Variants in SLC24A2 observed in about 807,000 individuals in gnomAD.
SLC24A2 encodes sodium/potassium/calcium exchanger 2.
SLC24A2 carries 36 observed loss-of-function variants against 62.0 expected under a neutral mutation model. That is an observed-to-expected ratio of 0.58 (90% CI 0.44 to 0.77). The LOEUF (loss-of-function observed/expected upper bound fraction) is 0.77, where lower values mean the gene tolerates loss of function less well. SLC24A2 is among the 30% of genes least tolerant of loss of function. The pLI, the probability that SLC24A2 is intolerant of heterozygous loss-of-function variation, is 0.00. For synonymous variants in SLC24A2, 358 were observed against 294.0 expected (o/e 1.22, Z -2.23); for missense variants, 846 against 817.9 (o/e 1.03, Z -0.42).
In SLC24A2 at chr9:19,622,575, C is replaced by T. The variant is rs143347009; in HGVS notation, c.931-276G>A. 8.5e-3 allele frequency among the ~76,000 whole-genome samples: 1,288 copies of T among 152,156 alleles called. 18 individuals carry two copies. The highest frequency in any genetic ancestry group is 0.029 in the African/African-American group (1,220 of 41,502). ...ACAGAGCAGTTAAGTCAACTGTGGC[C>T]CAGCCATGCAGTGGAATACTATGTG... On this transcript the variant is annotated intron_variant, in intron 2 of 10. Transcript: ENST00000341998.
intron 2 of SLC24A2, among the ~76,000 whole-genome samples, chr9:19,692,405 T>C (rs1404084852): frequency 1.3e-5 from 2 of 152,126 alleles, no homozygotes; most frequent in African/African-American, 4.8e-5. Context: ...AAAAATAGAC[T>C]GTAATTTAGA....
the SLC24A2 span, among the ~76,000 whole-genome samples, chr9:20,138,762 G>A: frequency 6.6e-6 from 1 of 152,142 alleles, no homozygotes; most frequent in Admixed American, 6.5e-5. Context: ...TATTTCGCTA[G>A]AAGGTTAACT....
intron 4 of SLC24A2, among the ~76,000 whole-genome samples, chr9:19,609,305 G>A (rs983528063): frequency 2.6e-5 from 4 of 152,240 alleles, no homozygotes; most frequent in African/African-American, 9.6e-5. Context: ...AGAGCAGTTA[G>A]TGAATCTGGC....
chr9:19,724,794 A>G, intron 2 of SLC24A2, among the ~76,000 whole-genome samples: 1 of 152,224 alleles, frequency 6.6e-6, no homozygotes, highest in Non-Finnish European at 1.5e-5. Context: ...AAATTTTGAC[A>G]TATTTAGAAA....
the SLC24A2 span, among the ~76,000 whole-genome samples, chr9:19,915,374 G>A: frequency 6.6e-6 from 1 of 152,022 alleles, no homozygotes; most frequent in South Asian, 2.1e-4. Context: ...TGGCTCTTGT[G>A]AATAATGTCC....
intron 2 of SLC24A2, among the ~76,000 whole-genome samples, chr9:19,665,764 G>A (rs10811227): frequency 0.39 from 59,624 of 151,742 alleles, 12,792 homozygotes; most frequent in East Asian, 0.76. Flanking sequence ...GCTGGTACGC[G>A]CCACCATGCC....
At chr9:19,906,855 G>A in the SLC24A2 span, among the ~76,000 whole-genome samples, 1 of 152,184 alleles carries the variant, frequency 6.6e-6, no homozygotes, top group East Asian at 1.9e-4. Context: ...ACCAAAAAAA[G>A]TCCAGGACCA....
chr9:19,870,140 A>G, the SLC24A2 span, among the ~76,000 whole-genome samples: 4 of 152,086 alleles, frequency 2.6e-5, no homozygotes, highest in Non-Finnish European at 5.9e-5. Context: ...ACATTTCACC[A>G]TCTCACAAAA....
the SLC24A2 span, among the ~76,000 whole-genome samples, chr9:20,021,952 T>C: frequency 6.6e-5 from 10 of 152,182 alleles, no homozygotes; most frequent in Non-Finnish European, 1.2e-4. Context: ...CACCTTATTC[T>C]AGTGAATACC....
At chr9:19,878,216 G>T in the SLC24A2 span, among the ~76,000 whole-genome samples, 1 of 152,082 alleles carries the variant, frequency 6.6e-6, no homozygotes, top group Non-Finnish European at 1.5e-5. Flanking sequence ...GCTGCAGTTT[G>T]CAGCAATCCT....
At chr9:20,190,734 A>T in the SLC24A2 span, among the ~76,000 whole-genome samples, 1 of 152,190 alleles carries the variant, frequency 6.6e-6, no homozygotes, top group Non-Finnish European at 1.5e-5. Context: ...TAAAAAATAA[A>T]AATTAAAAAA....
chr9:19,992,195 GAAC>G, the SLC24A2 span, among the ~76,000 whole-genome samples: 2 of 152,196 alleles, frequency 1.3e-5, no homozygotes, highest in African/African-American at 4.8e-5. Context: ...ATCTCCAAGA[GAAC>G]AACTCTGTAT....
At chr9:19,545,017 G>A (rs1834480614) in intron 8 of SLC24A2, among the ~76,000 whole-genome samples, 1 of 152,156 alleles carries the variant, frequency 6.6e-6, no homozygotes. Flanking sequence ...ATCCCGAAAA[G>A]TGTTTTCCAA....
chr9:19,515,280 A>G lies in SLC24A2; in HGVS notation c.*873T>C, dbSNP rs893467100. The G allele has an allele frequency of 6.6e-6, 1 of 151,938 alleles. No homozygotes were observed. The highest frequency in any genetic ancestry group is 1.5e-5 in the Non-Finnish European group (1 of 67,996). 9.4% of individuals were successfully genotyped at this position (151,938 alleles called of 1,614,324 possible). A position where few individuals can be genotyped will look rare whatever the true frequency, so the allele number is the denominator to read the frequency against. Reference sequence around the variant, plus strand: ...ACAACCCAACCCTGGTTACCTCCCCACTTCCCCAAACCAAGCCACCCAGCC... The same window carrying G: ...ACAACCCAACCCTGGTTACCTCCCCGCTTCCCCAAACCAAGCCACCCAGCC... On this transcript the variant is annotated 3_prime_UTR_variant, in exon 11 of 11. Coordinates refer to ENST00000341998, the MANE Select transcript of SLC24A2 (RefSeq NM_020344.4).
intron 2 of SLC24A2, among the ~76,000 whole-genome samples, chr9:19,636,305 T>TTTCCTTTCCTTTCCC (rs1818321027): frequency 4.5e-5 from 2 of 44,884 alleles, no homozygotes; most frequent in African/African-American, 1.7e-4. Context: ...TTTTCTTTTC[T>TTTCCTTTCCTTTCCC]TTTCTTTTCT....
At chr9:19,773,072 T>C (rs1305699583) in intron 2 of SLC24A2, among the ~76,000 whole-genome samples, 1 of 152,194 alleles carries the variant, frequency 6.6e-6, no homozygotes, top group African/African-American at 2.4e-5. Context: ...AAAAGCCACA[T>C]ATTATATAAA....
the SLC24A2 span, among the ~76,000 whole-genome samples, chr9:20,205,394 A>C: frequency 1.3e-5 from 2 of 152,170 alleles, no homozygotes; most frequent in East Asian, 3.8e-4. Context: ...TACACCTGTA[A>C]TCTCAGCACT....
chr9:20,024,890 G>C, the SLC24A2 span, among the ~76,000 whole-genome samples: 5 of 152,210 alleles, frequency 3.3e-5, no homozygotes, highest in South Asian at 2.1e-4. Flanking sequence ...GACTTACTGA[G>C]AAACACCTGA....
At chr9:19,567,275 G>C (rs187436404) in intron 7 of SLC24A2, among the ~76,000 whole-genome samples, 1 of 151,506 alleles carries the variant, frequency 6.6e-6, no homozygotes, top group African/African-American at 2.4e-5. Flanking sequence ...GGCCGGGCAC[G>C]GTGGCTCACA....
Sources: gnomAD v4.1 joint callset for allele counts (sites outside exome capture counted in the v4.1 genomes callset) on GRCh38, gnomAD v4.1.1 for gene constraint, MANE v1.5 for transcripts, NCBI Gene and HGNC (gene_info 2026-07-23, HGNC 2026-07-21) for gene names.